SPIRE1: variants seen among roughly 807,000 people sequenced by gnomAD.
SPIRE1 encodes protein spire homolog 1.
Under a neutral mutation model 94.1 loss-of-function variants are expected in SPIRE1, and 40 were observed. That is an observed-to-expected ratio of 0.43 (90% confidence interval 0.33 to 0.55). The LOEUF (loss-of-function observed/expected upper bound fraction) is 0.55, where lower values mean the gene tolerates loss of function less well. SPIRE1 is among the 20% of genes least tolerant of loss of function. The probability of loss-of-function intolerance (pLI) is 0.06; values close to 1 mark genes in which losing one functional copy is unlikely to be tolerated. For synonymous variants in SPIRE1, 376 were observed against 371.7 expected (o/e 1.01, Z -0.13); for missense variants, 838 against 975.2 (o/e 0.86, Z 1.87).
At chr18:12,577,520 A>C (rs1567945904) in intron 2 of SPIRE1, among the ~76,000 whole-genome samples, 2 of 152,224 alleles carry the variant, frequency 1.3e-5, no homozygotes, top group Admixed American at 1.3e-4. Context: ...CTAGAAAAAA[A>C]GGAGAAAATC....
At chr18:12,569,123 A>G (rs1009950992) in intron 2 of SPIRE1, among the ~76,000 whole-genome samples, 2 of 152,112 alleles carry the variant, frequency 1.3e-5, no homozygotes, top group African/African-American at 4.8e-5. Flanking sequence ...GGTGGATTAC[A>G]AAGTCAGGAG....
intron 11 of SPIRE1, among the ~76,000 whole-genome samples, chr18:12,464,571 C>T (rs879515423): frequency 1.5e-4 from 23 of 151,930 alleles, no homozygotes; most frequent in Admixed American, 5.3e-4. Context: ...TAAATTTAGC[C>T]AAGGAGGTAA....
At chr18:12,584,706 A>T (rs1172198102) in intron 2 of SPIRE1, among the ~76,000 whole-genome samples, 1 of 152,134 alleles carries the variant, frequency 6.6e-6, no homozygotes, top group Non-Finnish European at 1.5e-5. Flanking sequence ...AGATGGGAAG[A>T]TCACCTAAGC....
At position 12,535,542 on chromosome 18, in the gene SPIRE1, A is replaced by G. The variant is rs1290492310; in HGVS notation, c.663T>C (p.Cys221=). ...CCATTGTTTCTGCAAACAGTGCACGACATACTGCCTGATAATGATTTGGTG... is the reference window on the plus strand; with the variant it reads ...CCATTGTTTCTGCAAACAGTGCACGGCATACTGCCTGATAATGATTTGGTG... ...SDAPNHYQAV[C]RALFAETMEL... The change falls in exon 4 of 17, where the codon TGT becomes TGC. Residue 221 remains cysteine, a synonymous_variant. Coordinates refer to ENST00000409402, the MANE Select transcript of SPIRE1 (RefSeq NM_001128626.2). 6.2e-7 allele frequency: 1 copy of G among 1,613,436 alleles called. No individual in the cohort carries two copies. The highest frequency in any genetic ancestry group is 1.3e-5 in the African/African-American group (1 of 74,924).
Position 12,449,515 on chromosome 18 carries a change from A to C in SPIRE1, c.*123T>G. ...CTGTGGAACAATGTGATGCGGCAAA[A>C]ATCTGATCTAATGCAAATTCAAGCC... is the stretch of plus-strand genomic sequence containing the variant. On this transcript the variant is annotated 3_prime_UTR_variant, in exon 17 of 17. Transcript: ENST00000409402. The C allele has an allele frequency of 9.6e-7, 1 of 1,038,196 alleles. No individual in the cohort carries two copies. The allele number at this position is 1,038,196 out of a possible 1,614,324, so 64.3% of individuals were successfully genotyped here.
At chr18:12,628,408 A>G (rs2037688652) in intron 2 of SPIRE1, among the ~76,000 whole-genome samples, 1 of 152,044 alleles carries the variant, frequency 6.6e-6, no homozygotes, top group Admixed American at 6.6e-5. Flanking sequence ...ATTGGTCAAT[A>G]TATCTGTTTT....
chr18:12,661,450 G>A (rs982192331), upstream of SPIRE1: 5 of 595,292 alleles, frequency 8.4e-6, no homozygotes, highest in African/African-American at 8.1e-5. Context: ...TAACAGCACT[G>A]TCCCATTTTC....
intron 3 of SPIRE1, among the ~76,000 whole-genome samples, chr18:12,541,907 TTA>T (rs2035025375): frequency 6.6e-6 from 1 of 151,846 alleles, no homozygotes; most frequent in Non-Finnish European, 1.5e-5. Flanking sequence ...TATATTTTAG[TTA>T]ACCCAATACA....
intron 10 of SPIRE1, among the ~76,000 whole-genome samples, chr18:12,468,387 A>G (rs1234434883): frequency 6.6e-6 from 1 of 152,164 alleles, no homozygotes; most frequent in African/African-American, 2.4e-5. Flanking sequence ...TTTATATTTC[A>G]TGTCCCTTTT....
chr18:12,568,224 C>T (rs962664852), intron 2 of SPIRE1, among the ~76,000 whole-genome samples: 1 of 152,240 alleles, frequency 6.6e-6, no homozygotes, highest in African/African-American at 2.4e-5. Context: ...AGGGTGGGAA[C>T]ATAGGTGTTA....
intron 1 of SPIRE1, among the ~76,000 whole-genome samples, chr18:12,648,696 C>G (rs1346681743): frequency 2.0e-5 from 3 of 151,764 alleles, no homozygotes; most frequent in East Asian, 3.9e-4. Flanking sequence ...TTGAGACCAG[C>G]CTGACCAACA....
At chr18:12,450,869 A>G (rs2031202715) in intron 16 of SPIRE1, 2 of 729,170 alleles carry the variant, frequency 2.7e-6, no homozygotes, top group South Asian at 2.8e-5. Flanking sequence ...GCAGCCTTAC[A>G]CCACTAAGGC....
intron 3 of SPIRE1, 92 bp downstream of exon 3, chr18:12,546,582 C>T: frequency 3.1e-6 from 3 of 967,852 alleles, no homozygotes; most frequent in East Asian, 4.8e-5. Flanking sequence ...GCCTGGGCGA[C>T]AGAGTGAGAC....
intron 5 of SPIRE1, among the ~76,000 whole-genome samples, chr18:12,511,699 A>G (rs1022747860): frequency 2.6e-5 from 4 of 152,152 alleles, no homozygotes; most frequent in Non-Finnish European, 5.9e-5. Flanking sequence ...ATATCAATTC[A>G]TACTACAGTC....
intron 2 of SPIRE1, among the ~76,000 whole-genome samples, chr18:12,582,411 A>T (rs1001321799): frequency 3.3e-5 from 5 of 152,196 alleles, no homozygotes; most frequent in Non-Finnish European, 7.3e-5. Flanking sequence ...CTCCAACTTT[A>T]AAAAATATGT....
intron 2 of SPIRE1, among the ~76,000 whole-genome samples, chr18:12,631,262 G>T (rs2037765711): frequency 1.3e-5 from 2 of 151,042 alleles, no homozygotes; most frequent in African/African-American, 4.9e-5. Context: ...TACTGTATTA[G>T]AAATTAAAAC....
At chr18:12,453,232 G>A (rs1186887150) in intron 13 of SPIRE1, 94 bp from the exon 14 acceptor site, 3 of 765,014 alleles carry the variant, frequency 3.9e-6, no homozygotes, top group South Asian at 3.8e-5. Context: ...ATATATAGGG[G>A]AAGCTGAACA....
At chr18:12,634,949 AAG>A in intron 2 of SPIRE1, 111 bp downstream of exon 2, 4 of 595,896 alleles carry the variant, frequency 6.7e-6, no homozygotes, top group South Asian at 4.0e-5. Flanking sequence ...AAAAAAAAAA[AAG>A]AAATCTTATC....
At chr18:12,476,997 A>G (rs1209898749) in intron 10 of SPIRE1, among the ~76,000 whole-genome samples, 1 of 152,164 alleles carries the variant, frequency 6.6e-6, no homozygotes, top group Non-Finnish European at 1.5e-5. Flanking sequence ...TGCTTGCTTC[A>G]TGTTCTAACT....
Sources: gnomAD v4.1 joint callset for allele counts (sites outside exome capture counted in the v4.1 genomes callset) on GRCh38, gnomAD v4.1.1 for gene constraint, MANE v1.5 for transcripts, NCBI Gene and HGNC (gene_info 2026-07-23, HGNC 2026-07-21) for gene names.